The following BICC1 variants were observed in gnomAD, a reference collection of about 807,000 sequenced individuals.
BICC1 encodes protein bicaudal C homolog 1.
A neutral mutation model predicts 111.0 loss-of-function variants in BICC1; 43 were observed. The ratio of observed to expected loss-of-function variants is 0.39; its 90% CI spans 0.30 to 0.50. The LOEUF (loss-of-function observed/expected upper bound fraction) is 0.50, where lower values mean the gene tolerates loss of function less well. Among genes scored for constraint, BICC1 ranks in the 20% least tolerant of loss-of-function variants. The pLI is 0.88. For missense variants in BICC1, 1,091 were observed against 1,203.2 expected, an observed-to-expected ratio of 0.91 and a Z score of 1.38; for synonymous variants, 467 against 434.4, an observed-to-expected ratio of 1.07 and a Z score of -0.93.
chr10:58,776,581 A>G (rs1195659231), intron 3 of BICC1, among the ~76,000 whole-genome samples: 1 of 152,162 alleles, frequency 6.6e-6, no homozygotes, highest in African/African-American at 2.4e-5. Flanking sequence ...TTGCCATTGC[A>G]GAGGGCTGGT....
At chr10:58,663,188 T>C (rs918555003) in intron 2 of BICC1, among the ~76,000 whole-genome samples, 5 of 150,964 alleles carry the variant, frequency 3.3e-5, no homozygotes, top group Non-Finnish European at 5.9e-5. Context: ...TGCCTCAGCC[T>C]CCTGAGTAGC....
intron 1 of BICC1, among the ~76,000 whole-genome samples, chr10:58,607,589 C>G (rs571620003): frequency 1.3e-5 from 2 of 152,058 alleles, no homozygotes; most frequent in East Asian, 3.9e-4. Flanking sequence ...TTTCCCACTC[C>G]TCCCTCACTC....
At chr10:58,594,376 C>T (rs1352379336) in intron 1 of BICC1, among the ~76,000 whole-genome samples, 3 of 152,040 alleles carry the variant, frequency 2.0e-5, no homozygotes, top group Non-Finnish European at 2.9e-5. Flanking sequence ...ATACAGAGAA[C>T]ACCATAAAGA....
At chr10:58,704,980 CT>C (rs756792228) in intron 3 of BICC1, among the ~76,000 whole-genome samples, 12 of 152,204 alleles carry the variant, frequency 7.9e-5, no homozygotes, top group East Asian at 1.9e-4. Flanking sequence ...CTAAACTTTA[CT>C]TTTTAAGCCA....
intron 1 of BICC1, among the ~76,000 whole-genome samples, chr10:58,614,616 A>T (rs1461944496): frequency 6.6e-6 from 1 of 152,100 alleles, no homozygotes; most frequent in African/African-American, 2.4e-5. Context: ...AGGTAATAAC[A>T]GTTTAGGTCT....
chr10:58,656,945 G>C (rs957709945), intron 2 of BICC1, among the ~76,000 whole-genome samples: 14 of 152,074 alleles, frequency 9.2e-5, no homozygotes, highest in African/African-American at 3.4e-4. Context: ...GTCACACACT[G>C]GTTGGACATC....
intron 3 of BICC1, among the ~76,000 whole-genome samples, chr10:58,731,844 G>A (rs772622715): frequency 7.2e-5 from 11 of 152,122 alleles, no homozygotes; most frequent in Non-Finnish European, 1.3e-4. Context: ...CGTTCATGAA[G>A]GATCCACCTG....
rs1420387101 is a variant in BICC1 at position 58,550,404 on chromosome 10, A to G, written c.190+37071A>G. Among the ~76,000 whole-genome samples, 3 of 152,270 alleles carry G rather than the reference A, an allele frequency of 2.0e-5. No homozygotes were observed. The East Asian group carries it at 5.8e-4, about 29-fold the overall frequency. ...CTTTGGTTTGTCATTTCATTCTCTT[A>G]ATAGTGTCTTTCACAGAGTAGAGTT... On this transcript the variant is annotated intron_variant, in intron 1 of 20. Coordinates refer to ENST00000373886, the MANE Select transcript of BICC1 (RefSeq NM_001080512.3).
chr10:58,736,603 A>G lies in BICC1; in HGVS notation c.307+34460A>G, dbSNP rs1439860339. Among the ~76,000 whole-genome samples, 3 of 152,196 alleles carry G rather than the reference A, an allele frequency of 2.0e-5. No individual in the cohort carries two copies. The East Asian group carries it at 5.8e-4, about 29-fold the overall frequency. ...AGAAACACTGTAATGCCGTCTTTCCATTGGGTATCTCCATGATTTATTGAT... is the reference window on the plus strand; with the variant it reads ...AGAAACACTGTAATGCCGTCTTTCCGTTGGGTATCTCCATGATTTATTGAT... On this transcript the variant is annotated intron_variant, in intron 3 of 20. Transcript: ENST00000373886.
intron 1 of BICC1, among the ~76,000 whole-genome samples, chr10:58,518,654 TG>T (rs905071869): frequency 2.0e-5 from 3 of 151,926 alleles, no homozygotes; most frequent in African/African-American, 7.2e-5. Flanking sequence ...TAGAAAAGTT[TG>T]TTATGACAAT....
chr10:58,553,710 T>TC (rs1564485094), intron 1 of BICC1, among the ~76,000 whole-genome samples: 1 of 152,126 alleles, frequency 6.6e-6, no homozygotes, highest in Non-Finnish European at 1.5e-5. Context: ...AGTTTTTTTT[T>TC]CGGGGGGGCT....
At chr10:58,743,474 T>TG (rs1199264117) in intron 3 of BICC1, among the ~76,000 whole-genome samples, 1 of 151,698 alleles carries the variant, frequency 6.6e-6, no homozygotes, top group Non-Finnish European at 1.5e-5. Context: ...GGATTTTTTT[T>TG]TTTTTTTGGA....
At chr10:58,548,324 C>T (rs530459352) in intron 1 of BICC1, among the ~76,000 whole-genome samples, 1 of 152,268 alleles carries the variant, frequency 6.6e-6, no homozygotes, top group South Asian at 2.1e-4. Context: ...ACAGTTTTAT[C>T]CACAGAGCTT....
At chr10:58,597,581 T>G (rs1315127219) in intron 1 of BICC1, among the ~76,000 whole-genome samples, 1 of 152,092 alleles carries the variant, frequency 6.6e-6, no homozygotes, top group African/African-American at 2.4e-5. Context: ...GGGCAGAGTT[T>G]CCCAACCCTA....
intron 12 of BICC1, among the ~76,000 whole-genome samples, chr10:58,799,467 C>T (rs1445368069): frequency 3.9e-5 from 6 of 151,954 alleles, no homozygotes; most frequent in Non-Finnish European, 7.4e-5. Flanking sequence ...GGCACATATG[C>T]AGGTTTGTTA....
intron 6 of BICC1, 40 bp from the exon 7 acceptor site, chr10:58,789,222 C>T: frequency 6.5e-7 from 1 of 1,545,832 alleles, no homozygotes; most frequent in South Asian, 1.2e-5. Flanking sequence ...ATGTCTAATG[C>T]TTTAACTCTC....
chr10:58,695,427 A>AT (rs1840039968), intron 2 of BICC1, among the ~76,000 whole-genome samples: 1 of 152,324 alleles, frequency 6.6e-6, no homozygotes, highest in African/African-American at 2.4e-5. Context: ...TAGAGCACAA[A>AT]TTAGTTGGTC....
At chr10:58,731,906 A>G (rs1299565349) in intron 3 of BICC1, among the ~76,000 whole-genome samples, 3 of 152,230 alleles carry the variant, frequency 2.0e-5, no homozygotes, top group Admixed American at 2.0e-4. Context: ...GGAGATTACA[A>G]TTCAAAATGA....
chr10:58,526,294 T>TAACAAC (rs1842540796), intron 1 of BICC1, among the ~76,000 whole-genome samples: 1 of 151,914 alleles, frequency 6.6e-6, no homozygotes, highest in Non-Finnish European at 1.5e-5. Context: ...CCAATTAGGG[T>TAACAAC]TGTTGTAAGG....
Sources: allele counts gnomAD v4.1 joint callset (sites outside exome capture counted in the v4.1 genomes callset), GRCh38; gene constraint gnomAD v4.1.1; transcripts MANE v1.5; gene names NCBI Gene and HGNC (gene_info 2026-07-23, HGNC 2026-07-21).